Variants in CRYBG3 observed in about 807,000 individuals in gnomAD.
CRYBG3 encodes the protein crystallin beta-gamma domain containing 3.
CRYBG3 carries 127 observed loss-of-function variants against 244.2 expected under a neutral mutation model. That is an observed-to-expected ratio of 0.52 (90% CI 0.45 to 0.60). The LOEUF is 0.60. Ranked by LOEUF, CRYBG3 falls within the 20% of genes least tolerant of loss-of-function variation. The pLI is 0.00. For missense variants in CRYBG3, 3,325 were observed against 3,442.5 expected (o/e 0.97, Z 0.85); for synonymous variants, 1,132 against 1,195.8 (o/e 0.95, Z 1.10).
rs932071754 is a variant in CRYBG3, at chr3:97,942,332, G to A, written c.8713G>A (p.Ala2905Thr). The part of the protein sequence containing the change: ...DVIGGRDTPG[A>T]KVALWTEHGQ... ...GATTGGTGGCCGGGACACACCTGGA[G>A]CTAAAGTAGCTCTATGGACTGAACA... Residue 2905 changes from alanine to threonine, a missense_variant, in exon 21 of 22, where the codon GCT becomes ACT. This residue lies in a region of CRYBG3 where 714 missense variants were observed against 803.6 expected (regional missense o/e 0.89). Coordinates refer to ENST00000389622, the MANE Select transcript of CRYBG3 (RefSeq NM_153605.4). 1.2e-6 allele frequency: 2 copies of A among 1,611,760 alleles called. No individual in the cohort carries two copies.
intron 17 of CRYBG3, 72 bp from the exon 18 acceptor site, chr3:97,933,622 C>A: frequency 6.9e-7 from 1 of 1,458,598 alleles, no homozygotes; most frequent in South Asian, 1.2e-5. Flanking sequence ...ATTCAGGGTA[C>A]CCTGTGTTCA....
At chr3:97,943,152 A>AT in intron 21 of CRYBG3, 74 bp from the exon 22 acceptor site, 1 of 804,282 alleles carries the variant, frequency 1.2e-6, no homozygotes, top group South Asian at 1.6e-5. Flanking sequence ...GCTGAACAGA[A>AT]GCTTGTGAAA....
intron 2 of CRYBG3, among the ~76,000 whole-genome samples, chr3:97,859,761 G>A (rs1458094133): frequency 6.6e-6 from 1 of 152,062 alleles, no homozygotes; most frequent in Non-Finnish European, 1.5e-5. Context: ...CATTTGTTGG[G>A]CCATATTGTC....
rs1466758288 is a variant in CRYBG3 at position 97,892,887 on chromosome 3, C to T, written c.7468C>T (p.His2490Tyr). 6.5e-7 allele frequency: 1 copy of T among 1,534,162 alleles called. No homozygotes were observed. The highest frequency in any genetic ancestry group is 8.9e-7 in the Non-Finnish European group (1 of 1,125,708). The change falls in exon 11 of 22, where the codon CAT becomes TAT. Residue 2490 changes from histidine to tyrosine, a missense_variant. By Grantham distance (83) the His-to-Tyr change is moderately conservative. Coordinates refer to ENST00000389622, the MANE Select transcript of CRYBG3 (RefSeq NM_153605.4). ...KVIIYEKPHF[H>Y]GQAKEFSEHI... is the part of the protein sequence containing the mutation. Reference sequence around the variant, plus strand: ...TATTATTTATGAAAAACCTCACTTCCATGGACAGGCTAAAGAGTTTAGTGA... The same window carrying T: ...TATTATTTATGAAAAACCTCACTTCTATGGACAGGCTAAAGAGTTTAGTGA...
intron 2 of CRYBG3, among the ~76,000 whole-genome samples, chr3:97,848,899 A>G (rs921949972): frequency 5.3e-5 from 8 of 152,218 alleles, no homozygotes; most frequent in African/African-American, 1.9e-4. Context: ...TTCCCTGTTG[A>G]TGGTGGGAAT....
chr3:97,909,792 G>C (rs1261289128), intron 15 of CRYBG3, among the ~76,000 whole-genome samples: 1 of 150,362 alleles, frequency 6.7e-6, no homozygotes, highest in Admixed American at 6.6e-5. Flanking sequence ...TGCTGGTGAG[G>C]AACTGCGTTC....
chr3:97,915,499 T>C (rs1465065148), intron 16 of CRYBG3, 111 bp from the exon 17 acceptor site: 3 of 1,097,962 alleles, frequency 2.7e-6, no homozygotes, highest in Non-Finnish European at 3.8e-6. Context: ...GTGGTGGTGC[T>C]CTGCACCACT....
At chr3:97,898,537 T>A (rs1045901352) in intron 12 of CRYBG3, among the ~76,000 whole-genome samples, 1 of 152,224 alleles carries the variant, frequency 6.6e-6, no homozygotes, top group African/African-American at 2.4e-5. Context: ...GTACACTATT[T>A]ACTTTTGTTT....
chr3:97,864,707 C>T, intron 3 of CRYBG3, 60 bp downstream of exon 3: 1 of 1,171,748 alleles, frequency 8.5e-7, no homozygotes, highest in Non-Finnish European at 1.2e-6. Context: ...AGCTTTTGAG[C>T]TTTAGCTTTA....
chr3:97,875,419 A>G lies in CRYBG3; in HGVS notation c.4225A>G (p.Asn1409Asp). ...VLYQKSLFSG[N>D]GSGLSDSINL... ...CTACCAAAAATCCCTATTTTCTGGA[A>G]ATGGATCTGGACTGTCTGATAGTAT... Residue 1409 changes from asparagine to aspartate, a missense_variant, in exon 4 of 22, where the codon AAT becomes GAT. By Grantham distance (23) the Asn-to-Asp change is conservative. Transcript: ENST00000389622. 7.1e-7 allele frequency: 1 copy of G among 1,412,220 alleles called. No individual in the cohort carries two copies. The highest frequency in any genetic ancestry group is 9.2e-7 in the Non-Finnish European group (1 of 1,091,650). 87.5% of individuals were successfully genotyped at this position (1,412,220 alleles called of 1,614,324 possible). A position where few individuals can be genotyped will look rare whatever the true frequency, so the allele number is the denominator to read the frequency against.
Position 97,881,787 on chromosome 3 carries a change from A to G in CRYBG3, c.7152+568A>G, listed in dbSNP as rs147298278. Among the ~76,000 whole-genome samples the G allele has an allele frequency of 2.6e-3, 400 of 152,256 alleles. 2 individuals carry two copies. Among genetic ancestry groups the G allele is most frequent in the Non-Finnish European group, 4.9e-3 (330 of 68,018 alleles). Reference sequence around the variant, plus strand: ...TATATATATTTTATAGGATTATACTATTGCTATTAAAATAAGCTAATAGGA... The same window carrying G: ...TATATATATTTTATAGGATTATACTGTTGCTATTAAAATAAGCTAATAGGA... On this transcript the variant is annotated intron_variant, in intron 7 of 21. Coordinates refer to ENST00000389622, the MANE Select transcript of CRYBG3 (RefSeq NM_153605.4).
chr3:97,846,860 C>T (rs1339072388), intron 2 of CRYBG3, among the ~76,000 whole-genome samples: 1 of 152,098 alleles, frequency 6.6e-6, no homozygotes, highest in Non-Finnish European at 1.5e-5. Flanking sequence ...CTGCTATATT[C>T]AGCTGTTTTT....
At chr3:97,840,412 T>C (rs1056409232) in intron 1 of CRYBG3, among the ~76,000 whole-genome samples, 1 of 152,152 alleles carries the variant, frequency 6.6e-6, no homozygotes, top group African/African-American at 2.4e-5. Flanking sequence ...ACTTAAAGGA[T>C]GTAAGTGAGA....
At chr3:97,825,001 T>C (rs2038559803) in intron 1 of CRYBG3, among the ~76,000 whole-genome samples, 1 of 152,132 alleles carries the variant, frequency 6.6e-6, no homozygotes, top group African/African-American at 2.4e-5. Flanking sequence ...GTGATGTTTC[T>C]ATACAAAGAG....
At chr3:97,837,297 T>C (rs754115436) in intron 1 of CRYBG3, among the ~76,000 whole-genome samples, 1 of 152,024 alleles carries the variant, frequency 6.6e-6, no homozygotes, top group Non-Finnish European at 1.5e-5. Flanking sequence ...TCACGGGAGT[T>C]GGGTCAGGTG....
At chr3:97,906,521 T>G (rs2039776840) in intron 15 of CRYBG3, among the ~76,000 whole-genome samples, 3 of 142,624 alleles carry the variant, frequency 2.1e-5, no homozygotes, top group Non-Finnish European at 3.1e-5. Flanking sequence ...TGAATGGGAG[T>G]TCACTCATGA....
chr3:97,901,459 T>A (rs1477296278), intron 15 of CRYBG3, among the ~76,000 whole-genome samples: 1 of 152,222 alleles, frequency 6.6e-6, no homozygotes, highest in Admixed American at 6.5e-5. Flanking sequence ...TTTTACCAGG[T>A]TTGCATTCAC....
chr3:97,853,387 G>GACAC (rs952920377), intron 2 of CRYBG3, among the ~76,000 whole-genome samples: 5 of 136,698 alleles, frequency 3.7e-5, no homozygotes, highest in Middle Eastern at 3.6e-3. Context: ...TGTACACACA[G>GACAC]ACACACACAC....
chr3:97,901,833 T>C (rs1313341815), intron 15 of CRYBG3, among the ~76,000 whole-genome samples: 1 of 152,112 alleles, frequency 6.6e-6, no homozygotes, highest in Non-Finnish European at 1.5e-5. Flanking sequence ...CAGTCTAACT[T>C]GAAGAGAGGA....
Sources: allele counts gnomAD v4.1 joint callset (sites outside exome capture counted in the v4.1 genomes callset), GRCh38; gene constraint gnomAD v4.1.1; regional missense constraint gnomAD v4.1.1; transcripts MANE v1.5; gene names NCBI Gene and HGNC (gene_info 2026-07-23, HGNC 2026-07-21).